The following PROSER2 variants were observed in gnomAD, a reference collection of about 807,000 sequenced individuals.
PROSER2 encodes the protein proline and serine rich 2, also known as proline and serine-rich protein 2.
In PROSER2, 18 loss-of-function variants were observed where a neutral mutation model predicts 14.6. The observed-to-expected ratio is 1.23, with a 90% CI of 0.85 to 1.83. The LOEUF is 1.83. Among genes scored for constraint, PROSER2 ranks in the 40% most tolerant of loss-of-function variants. The probability of loss-of-function intolerance (pLI) is 0.00; values close to 1 mark genes in which losing one functional copy is unlikely to be tolerated. For synonymous variants in PROSER2, 367 were observed against 286.4 expected (o/e 1.28, Z -2.84); for missense variants, 823 against 629.8 (o/e 1.31, Z -3.28).
intron 1 of PROSER2, among the ~76,000 whole-genome samples, chr10:11,835,863 C>T (rs193072418): frequency 4.6e-4 from 70 of 152,208 alleles, no homozygotes; most frequent in African/African-American, 1.6e-3. Flanking sequence ...TTTCACCCAC[C>T]GCTTCCCCAT....
chr10:11,859,975 G>A (rs573173845), intron 2 of PROSER2, among the ~76,000 whole-genome samples: 7 of 152,236 alleles, frequency 4.6e-5, no homozygotes, highest in South Asian at 2.1e-4. Flanking sequence ...TCTCCCTGCC[G>A]AGGGCCACAA....
intron 1 of PROSER2, among the ~76,000 whole-genome samples, chr10:11,833,051 C>T (rs777381346): frequency 1.1e-4 from 17 of 151,594 alleles, no homozygotes; most frequent in Non-Finnish European, 2.4e-4. Context: ...ACCTTGTTGG[C>T]CAGGCTGGTC....
rs190074475 is a variant in PROSER2, at chr10:11,841,192, G to A, written c.-81-10805G>A. On this transcript the variant is annotated intron_variant, in intron 1 of 3. Transcript: ENST00000277570. ...ATTTTATTCTTGAATAAGCTTTAACGAGATATTCTTCCAGGAATTTGTCCA... is the reference window on the plus strand; with the variant it reads ...ATTTTATTCTTGAATAAGCTTTAACAAGATATTCTTCCAGGAATTTGTCCA... Among the ~76,000 whole-genome samples the A allele has an allele frequency of 3.1e-4, 47 of 151,202 alleles. No homozygotes were observed. In the East Asian group the frequency reaches 6.6e-3, roughly 21 times the overall value.
In PROSER2 at chr10:11,866,466, C is replaced by G; in HGVS notation, c.139-65C>G. 1 of 1,583,672 alleles carries G rather than the reference C, an allele frequency of 6.3e-7. No individual in the cohort carries two copies. The highest frequency in any genetic ancestry group is 2.2e-5 in the East Asian group (1 of 44,608). ...TGGACCAATCCCAACTTTGCTTCAGCTTTTGTCTCTTTAGTGAAGCCAGTG... is the reference window on the plus strand; with the variant it reads ...TGGACCAATCCCAACTTTGCTTCAGGTTTTGTCTCTTTAGTGAAGCCAGTG... On this transcript the variant is annotated intron_variant, in intron 2 of 3. Coordinates refer to ENST00000277570, the MANE Select transcript of PROSER2 (RefSeq NM_153256.4). The surrounding 1 kb of genome is among the most constrained non-coding windows in gnomAD (Gnocchi z 6.0).
At chr10:11,847,724 T>G (rs115109703) in intron 1 of PROSER2, among the ~76,000 whole-genome samples, 1 of 152,162 alleles carries the variant, frequency 6.6e-6, no homozygotes, top group Non-Finnish European at 1.5e-5. Flanking sequence ...CAGCCCTTAT[T>G]CTGTTTTGAA....
intron 2 of PROSER2, among the ~76,000 whole-genome samples, chr10:11,857,763 AAG>A (rs1371142150): frequency 4.6e-5 from 7 of 151,002 alleles, no homozygotes; most frequent in East Asian, 3.9e-4. Flanking sequence ...AAAAAAAAAA[AAG>A]AAACCCTAAT....
At chr10:11,863,126 C>T (rs905368141) in intron 2 of PROSER2, 4 of 152,206 alleles carry the variant, frequency 2.6e-5, no homozygotes, top group African/African-American at 9.7e-5. Context: ...CTGAGACATC[C>T]TTCTTTCAGG....
intron 2 of PROSER2, among the ~76,000 whole-genome samples, chr10:11,857,816 A>G (rs1393517748): frequency 6.6e-6 from 1 of 151,296 alleles, no homozygotes; most frequent in Admixed American, 6.6e-5. Context: ...CACTTCGGCA[A>G]CCTCGGAAGA....
intron 1 of PROSER2, among the ~76,000 whole-genome samples, chr10:11,846,690 C>T (rs1474457188): frequency 6.6e-6 from 1 of 152,190 alleles, no homozygotes; most frequent in Non-Finnish European, 1.5e-5. Context: ...TTTGAACAGG[C>T]CGGCCAGGCC....
Position 11,870,446 on chromosome 10 carries a change from C to G in PROSER2, c.*40C>G. On this transcript the variant is annotated 3_prime_UTR_variant, in exon 4 of 4. Transcript: ENST00000277570. ...CCAGTCCACCCCGTTTCTCCCCACC[C>G]TGAAGAGAGGGTGAAAGAGTCGCTG... The G allele has an allele frequency of 7.1e-7, 1 of 1,401,132 alleles. No homozygotes were observed. The highest frequency in any genetic ancestry group is 1.5e-5 in the South Asian group (1 of 65,012). The allele number at this position is 1,401,132 out of a possible 1,614,324, so 86.8% of individuals were successfully genotyped here. A position where few individuals can be genotyped will look rare whatever the true frequency, so the allele number is the denominator to read the frequency against.
At chr10:11,827,471 T>G (rs575886090) in intron 1 of PROSER2, among the ~76,000 whole-genome samples, 6 of 152,286 alleles carry the variant, frequency 3.9e-5, no homozygotes, top group Admixed American at 2.0e-4. Context: ...GTGGGTTTTT[T>G]CCTGCTTTCT....
chr10:11,870,213 C>G lies in PROSER2; in HGVS notation c.1115C>G (p.Pro372Arg). The G allele has an allele frequency of 6.7e-7, 1 of 1,489,750 alleles. No homozygotes were observed. The highest frequency in any genetic ancestry group is 8.9e-7 in the Non-Finnish European group (1 of 1,127,028). 92.3% of individuals were successfully genotyped at this position (1,489,750 alleles called of 1,614,324 possible). A position where few individuals can be genotyped will look rare whatever the true frequency, so the allele number is the denominator to read the frequency against. The change falls in exon 4 of 4, where the codon CCG (proline) becomes CGG (arginine). Residue 372 changes from proline to arginine, a missense_variant. Coordinates refer to ENST00000277570, the MANE Select transcript of PROSER2 (RefSeq NM_153256.4). The stretch of plus-strand genomic sequence containing the variant: ...AAGTCCCTCTGCTTCCGCCCTGGCC[C>G]GGCCCTGCCCAGCACGCGGGCCCGT... ...AGKSLCFRPGPALPSTRARQS... is the reference protein window; with the variant it reads ...AGKSLCFRPGRALPSTRARQS...
Position 11,866,232 on chromosome 10 carries a change from T to A in PROSER2, c.139-299T>A, listed in dbSNP as rs993165583. ...GTGTGTTGGATAGCCGTAGGCTGAC[T>A]GCAGCTCTCCAGTGTGCTCCCGAGA... On this transcript the variant is annotated intron_variant, in intron 2 of 3. Transcript: ENST00000277570. This position sits in a 1 kb window ranked among gnomAD's most constrained non-coding sequence, Gnocchi z 6.0. 1.3e-5 allele frequency among the ~76,000 whole-genome samples: 2 copies of A among 152,228 alleles called. No individual in the cohort carries two copies. Among genetic ancestry groups the A allele is most frequent in the Non-Finnish European group, 2.9e-5 (2 of 68,032 alleles).
At chr10:11,863,494 C>T (rs543904466) in intron 2 of PROSER2, among the ~76,000 whole-genome samples, 19 of 151,612 alleles carry the variant, frequency 1.3e-4, no homozygotes, top group Non-Finnish European at 2.8e-4. Flanking sequence ...GTCAGGATCG[C>T]GCCACTGCAC....
chr10:11,860,659 TAAGAAG>T (rs550559170), intron 2 of PROSER2, among the ~76,000 whole-genome samples: 1 of 151,524 alleles, frequency 6.6e-6, no homozygotes, highest in Non-Finnish European at 1.5e-5. Flanking sequence ...ATACAAATAA[TAAGAAG>T]AGGAAGAAAG....
At chr10:11,831,339 G>A (rs1012935092) in intron 1 of PROSER2, among the ~76,000 whole-genome samples, 2 of 152,044 alleles carry the variant, frequency 1.3e-5, no homozygotes, top group Admixed American at 6.6e-5. Flanking sequence ...TTGGGTGCTC[G>A]GTAATATTTG....
rs750629743 is a variant in PROSER2, at chr10:11,869,550, A to G, written c.452A>G (p.Asp151Gly). The change falls in exon 4 of 4, where the codon GAC becomes GGC. Residue 151 changes from aspartate to glycine, a missense_variant. Coordinates refer to ENST00000277570, the MANE Select transcript of PROSER2 (RefSeq NM_153256.4). The surrounding 1 kb of genome is among the most constrained non-coding windows in gnomAD (Gnocchi z 4.4). The stretch of plus-strand genomic sequence containing the variant: ...GATGCTGAGACTCCTCCACCTCCAG[A>G]CCCCCCGGCTCCCGAGACCCTTCTT... ...KQDAETPPPP[D>G]PPAPETLLAP... The G allele has an allele frequency of 5.6e-6, 9 of 1,611,474 alleles. No homozygotes were observed. The highest frequency in any genetic ancestry group is 6.8e-6 in the Non-Finnish European group (8 of 1,178,882).
rs1833682932 is a variant in PROSER2 at position 11,830,985 on chromosome 10, G to C, written c.-82+7515G>C. Among the ~76,000 whole-genome samples, 1 of 152,184 alleles carries C rather than the reference G, an allele frequency of 6.6e-6. No individual in the cohort carries two copies. The highest frequency in any genetic ancestry group is 2.4e-5 in the African/African-American group (1 of 41,430). Reference sequence around the variant, plus strand: ...CCATCATCTGGCTCGCAAAGGGACTGGTGGAAGATGAGGTTAAAAGTTTCA... The same window carrying C: ...CCATCATCTGGCTCGCAAAGGGACTCGTGGAAGATGAGGTTAAAAGTTTCA... On this transcript the variant is annotated intron_variant, in intron 1 of 3. Transcript: ENST00000277570. The surrounding 1 kb of genome is among the most constrained non-coding windows in gnomAD (Gnocchi z 4.5).
At chr10:11,824,497 C>G (rs1424100064) in intron 1 of PROSER2, among the ~76,000 whole-genome samples, 4 of 152,136 alleles carry the variant, frequency 2.6e-5, no homozygotes, top group Non-Finnish European at 5.9e-5. Flanking sequence ...AGTTTGCCCT[C>G]CAAGTTCCGT....
Sources: gnomAD v4.1 joint callset for allele counts (sites outside exome capture counted in the v4.1 genomes callset) on GRCh38, gnomAD v4.1.1 for gene constraint, Gnocchi (gnomAD v3.1) non-coding constraint, MANE v1.5 for transcripts, NCBI Gene and HGNC (gene_info 2026-07-23, HGNC 2026-07-21) for gene names.